The following KCTD8 variants were observed in gnomAD, a reference collection of about 807,000 sequenced individuals.
KCTD8 encodes potassium channel tetramerization domain containing 8.
Under a neutral mutation model 31.5 loss-of-function variants are expected in KCTD8, and 27 were observed. The observed-to-expected ratio is 0.86, with a 90% CI of 0.63 to 1.18. KCTD8 has a LOEUF of 1.18. Ranked by LOEUF, KCTD8 falls within the 50% of genes most tolerant of loss-of-function variation. The pLI, the probability that KCTD8 is intolerant of heterozygous loss-of-function variation, is 0.00. For synonymous variants in KCTD8, 290 were observed against 280.0 expected (o/e 1.04, Z -0.36); for missense variants, 658 against 647.7 (o/e 1.02, Z -0.17).
chr4:44,253,803 T>C (rs1715911736), intron 1 of KCTD8, among the ~76,000 whole-genome samples: 1 of 151,834 alleles, frequency 6.6e-6, no homozygotes, highest in Non-Finnish European at 1.5e-5. Context: ...AATAATATTT[T>C]TTATTTTGTC....
intron 1 of KCTD8, among the ~76,000 whole-genome samples, chr4:44,413,777 A>G (rs920489774): frequency 6.6e-6 from 1 of 152,096 alleles, no homozygotes; most frequent in Non-Finnish European, 1.5e-5. Context: ...AGGAGTCTGC[A>G]GAGGTACTTA....
intron 1 of KCTD8, among the ~76,000 whole-genome samples, chr4:44,322,064 G>C (rs1024695320): frequency 6.6e-6 from 1 of 151,984 alleles, no homozygotes; most frequent in Non-Finnish European, 1.5e-5. Context: ...ATAAACATGA[G>C]AGTGTGGATG....
chr4:44,432,737 T>A (rs960301504), intron 1 of KCTD8, among the ~76,000 whole-genome samples: 17 of 151,694 alleles, frequency 1.1e-4, no homozygotes, highest in Non-Finnish European at 1.8e-4. Context: ...CACACCAGAC[T>A]ACCTCCAGTT....
intron 1 of KCTD8, among the ~76,000 whole-genome samples, chr4:44,433,435 C>T (rs905070711): frequency 6.6e-6 from 1 of 151,650 alleles, no homozygotes; most frequent in African/African-American, 2.4e-5. Context: ...TTCTTCTGTC[C>T]CACATGGGAC....
intron 1 of KCTD8, among the ~76,000 whole-genome samples, chr4:44,386,731 G>T (rs1477432574): frequency 1.3e-5 from 2 of 151,548 alleles, no homozygotes; most frequent in African/African-American, 4.8e-5. Context: ...AAGTGATCCA[G>T]CAATCCCACT....
intron 1 of KCTD8, among the ~76,000 whole-genome samples, chr4:44,208,249 T>C (rs1714375720): frequency 6.6e-6 from 1 of 152,194 alleles, no homozygotes; most frequent in South Asian, 2.1e-4. Context: ...GCACCATTAG[T>C]AATTATTTTT....
At chr4:44,321,468 TG>T (rs1481880377) in intron 1 of KCTD8, among the ~76,000 whole-genome samples, 2 of 152,312 alleles carry the variant, frequency 1.3e-5, no homozygotes, top group South Asian at 2.1e-4. Context: ...GTTTGTTTTA[TG>T]TTTTTTTGAT....
chr4:44,375,737 A>C (rs1719900342), intron 1 of KCTD8, among the ~76,000 whole-genome samples: 1 of 152,170 alleles, frequency 6.6e-6, no homozygotes, highest in Non-Finnish European at 1.5e-5. Flanking sequence ...CCTACTGGGA[A>C]GGCAGAACAG....
chr4:44,312,575 G>A (rs1717987227), intron 1 of KCTD8, among the ~76,000 whole-genome samples: 2 of 152,062 alleles, frequency 1.3e-5, no homozygotes, highest in Admixed American at 6.6e-5. Context: ...TATACACACT[G>A]ATGCACCTGG....
In KCTD8 at chr4:44,197,009, T is replaced by C. The variant is rs144955660; in HGVS notation, c.962-21759A>G. On this transcript the variant is annotated intron_variant, in intron 1 of 1. Coordinates refer to ENST00000360029, the MANE Select transcript of KCTD8 (RefSeq NM_198353.3). ...AGTGACTGAGCTGCTCCTAGCCAGG[T>C]GGAACTTGCTAGCTTGGGCTTCCAG... 5.0e-3 allele frequency among the ~76,000 whole-genome samples: 759 copies of C among 152,262 alleles called. 3 individuals carry two copies. The highest frequency in any genetic ancestry group is 0.018 in the African/African-American group (745 of 41,550).
chr4:44,336,355 T>C (rs1260711698), intron 1 of KCTD8, among the ~76,000 whole-genome samples: 1 of 151,606 alleles, frequency 6.6e-6, no homozygotes. Flanking sequence ...AAAGAACATC[T>C]TCACAGAATT....
intron 1 of KCTD8, among the ~76,000 whole-genome samples, chr4:44,180,311 A>T (rs1225595109): frequency 3.3e-5 from 5 of 152,198 alleles, no homozygotes; most frequent in Non-Finnish European, 7.3e-5. Context: ...AGCAAGTCTC[A>T]TATTAACCTA....
intron 1 of KCTD8, among the ~76,000 whole-genome samples, chr4:44,256,204 A>G (rs1715986154): frequency 6.6e-6 from 1 of 151,938 alleles, no homozygotes; most frequent in Non-Finnish European, 1.5e-5. Flanking sequence ...GAATTATGAG[A>G]GCTACAAGTC....
At chr4:44,373,244 C>T (rs544923754) in intron 1 of KCTD8, among the ~76,000 whole-genome samples, 4 of 152,080 alleles carry the variant, frequency 2.6e-5, no homozygotes, top group African/African-American at 7.2e-5. Context: ...GCCTGTAGTC[C>T]CAGCTACTCA....
chr4:44,349,068 A>ACCT (rs1553902842), intron 1 of KCTD8, among the ~76,000 whole-genome samples: 1 of 93,976 alleles, frequency 1.1e-5, no homozygotes, highest in Non-Finnish European at 2.6e-5. Flanking sequence ...CATCGCTGCC[A>ACCT]CCGCCACCAC....
intron 1 of KCTD8, among the ~76,000 whole-genome samples, chr4:44,227,254 A>G (rs1335962072): frequency 1.3e-5 from 2 of 152,198 alleles, no homozygotes; most frequent in African/African-American, 2.4e-5. Flanking sequence ...TGTTTTCTGC[A>G]TATGGCTAGC....
At chr4:44,334,968 G>A (rs897069734) in intron 1 of KCTD8, among the ~76,000 whole-genome samples, 4 of 152,016 alleles carry the variant, frequency 2.6e-5, no homozygotes, top group East Asian at 1.9e-4. Flanking sequence ...ACACAATGAC[G>A]AAATTTCAAT....
chr4:44,330,260 T>TA (rs1301373392), intron 1 of KCTD8, among the ~76,000 whole-genome samples: 1 of 151,928 alleles, frequency 6.6e-6, no homozygotes, highest in African/African-American at 2.4e-5. Flanking sequence ...ATATCGCACT[T>TA]AATGAAAATT....
At chr4:44,444,447 C>T (rs1026581354) in intron 1 of KCTD8, among the ~76,000 whole-genome samples, 3 of 151,996 alleles carry the variant, frequency 2.0e-5, no homozygotes, top group Non-Finnish European at 4.4e-5. Context: ...AATAATTTTT[C>T]CATTAACTTT....
Sources: gnomAD v4.1 joint callset for allele counts (sites outside exome capture counted in the v4.1 genomes callset) on GRCh38, gnomAD v4.1.1 for gene constraint, MANE v1.5 for transcripts, NCBI Gene and HGNC (gene_info 2026-07-23, HGNC 2026-07-21) for gene names.